POLA1: variants seen among roughly 807,000 people sequenced by gnomAD.
POLA1 encodes the protein DNA polymerase alpha catalytic subunit.
Under a neutral mutation model 124.0 loss-of-function variants are expected in POLA1, and 15 were observed. The ratio of observed to expected loss-of-function variants is 0.12; its 90% CI spans 0.08 to 0.19. POLA1 has a LOEUF of 0.19. Among genes scored for constraint, POLA1 ranks in the 10% least tolerant of loss-of-function variants. POLA1 has a pLI of 1.00. For missense variants in POLA1, 886 were observed against 1,103.4 expected (o/e 0.80, Z 2.79); for synonymous variants, 408 against 389.4 (o/e 1.05, Z -0.56).
chrX:24,854,347 G>T (rs1414064030), intron 34 of POLA1, among the ~76,000 whole-genome samples: 2 of 111,591 alleles, frequency 1.8e-5, no homozygotes, highest in Non-Finnish European at 3.8e-5. Context: ...ACCGCGCCCG[G>T]CCACGGGGGG....
rs1227042363 is a variant in POLA1, at chrX:24,745,540, G to A, written c.2689G>A (p.Glu897Lys). 8.6e-7 allele frequency: 1 copy of A among 1,156,096 alleles called. No homozygotes were observed. Among genetic ancestry groups the A allele is most frequent in the Non-Finnish European group, 1.2e-6 (1 of 854,500 alleles). Residue 897 changes from glutamate to lysine, a missense_variant and splice_region_variant, in exon 24 of 37, where the codon GAG becomes AAG. Glu to Lys is a moderately conservative substitution (Grantham distance 56, BLOSUM62 1). This residue lies in a region of POLA1 where 182 missense variants were observed against 252.8 expected (regional missense o/e 0.72). Transcript: ENST00000379068. ...RVASEAQKVT[E>K]DGEQEQIPEL... ...TGCTTCAGAGGCACAGAAAGTTACAGAGGTTTGTATTTAACCTGGGACTCT... is the reference window on the plus strand; with the variant it reads ...TGCTTCAGAGGCACAGAAAGTTACAAAGGTTTGTATTTAACCTGGGACTCT...
intron 26 of POLA1, among the ~76,000 whole-genome samples, chrX:24,753,785 C>G (rs1371762626): frequency 1.8e-5 from 2 of 112,531 alleles, no homozygotes; most frequent in Non-Finnish European, 3.7e-5. Flanking sequence ...TTTCTCTACT[C>G]TCTTATTTCT....
At chrX:24,881,235 A>T (rs1230929914) in intron 34 of POLA1, among the ~76,000 whole-genome samples, 1 of 112,190 alleles carries the variant, frequency 8.9e-6, no homozygotes, top group African/African-American at 3.2e-5. Flanking sequence ...GCGTTTTGTA[A>T]TAACACCAGA....
chrX:24,788,478 C>T, intron 26 of POLA1: 2 of 1,196,756 alleles, frequency 1.7e-6, no homozygotes, highest in African/African-American at 3.5e-5. Context: ...TCTGTTCCGA[C>T]TTTATCATCT....
intron 35 of POLA1, among the ~76,000 whole-genome samples, chrX:24,899,880 G>A (rs1361621046): frequency 9.0e-6 from 1 of 110,953 alleles, no homozygotes; most frequent in Non-Finnish European, 1.9e-5. Flanking sequence ...TAGTCATTTG[G>A]GTGTTCTTTT....
At chrX:24,839,253 A>G (rs1237572631) in intron 32 of POLA1, among the ~76,000 whole-genome samples, 1 of 111,665 alleles carries the variant, frequency 9.0e-6, no homozygotes, top group Admixed American at 9.5e-5. Context: ...GCATTGAACT[A>G]TGACCAAGAG....
At chrX:24,924,900 A>G (rs2047668808) in intron 35 of POLA1, among the ~76,000 whole-genome samples, 1 of 111,008 alleles carries the variant, frequency 9.0e-6, no homozygotes, top group Non-Finnish European at 1.9e-5. Flanking sequence ...GCATGTAGAA[A>G]ACTTGTGAGA....
At chrX:24,860,910 C>G (rs1460297743) in intron 34 of POLA1, among the ~76,000 whole-genome samples, 1 of 111,922 alleles carries the variant, frequency 8.9e-6, no homozygotes, top group Non-Finnish European at 1.9e-5. Flanking sequence ...GCAGTCCCTC[C>G]CCTTTCAGAA....
intron 35 of POLA1, among the ~76,000 whole-genome samples, chrX:24,928,096 A>G (rs957983358): frequency 8.9e-6 from 1 of 112,143 alleles, no homozygotes; most frequent in African/African-American, 3.2e-5. Flanking sequence ...GTTTTCAACC[A>G]GTTTACTAAT....
chrX:24,698,206 T>A (rs1478424745), intron 1 of POLA1, among the ~76,000 whole-genome samples: 1 of 111,799 alleles, frequency 8.9e-6, no homozygotes. Flanking sequence ...CCTCCCAAAG[T>A]GCTGGGATTA....
intron 36 of POLA1, among the ~76,000 whole-genome samples, chrX:24,942,989 G>A (rs1601893545): frequency 1.8e-5 from 2 of 112,419 alleles, no homozygotes; most frequent in East Asian, 5.6e-4. Context: ...GAGCCACTGG[G>A]CCCGCTGTCC....
intron 26 of POLA1, among the ~76,000 whole-genome samples, chrX:24,793,082 G>T (rs765205635): frequency 9.1e-6 from 1 of 109,625 alleles, no homozygotes; most frequent in African/African-American, 3.3e-5. Context: ...TTCAAGACCA[G>T]CCTGGCCAAT....
intron 34 of POLA1, among the ~76,000 whole-genome samples, chrX:24,867,844 G>A (rs1408171109): frequency 2.7e-5 from 3 of 111,654 alleles, no homozygotes; most frequent in East Asian, 2.8e-4. Context: ...CACCTGCCTC[G>A]TGTAGGGAAA....
chrX:24,954,547 A>G (rs1466477270), intron 36 of POLA1, among the ~76,000 whole-genome samples: 1 of 112,642 alleles, frequency 8.9e-6, no homozygotes, highest in Non-Finnish European at 1.9e-5. Flanking sequence ...TTTTTAATGC[A>G]TGATTGTGAC....
intron 36 of POLA1, among the ~76,000 whole-genome samples, chrX:24,990,258 A>G (rs186842380): frequency 8.9e-6 from 1 of 112,468 alleles, no homozygotes; most frequent in East Asian, 2.8e-4. Context: ...GTCCTTTCCC[A>G]TGAAGAGTAA....
intron 26 of POLA1, among the ~76,000 whole-genome samples, chrX:24,806,866 C>T (rs977241666): frequency 9.0e-6 from 1 of 111,470 alleles, no homozygotes; most frequent in Non-Finnish European, 1.9e-5. Context: ...AGATTATGTT[C>T]TATTTATACA....
intron 32 of POLA1, among the ~76,000 whole-genome samples, chrX:24,828,519 T>C (rs927835309): frequency 4.5e-5 from 5 of 112,094 alleles, no homozygotes; most frequent in African/African-American, 1.6e-4. Flanking sequence ...GGGGGCTTCA[T>C]GTTTTTCTTG....
chrX:24,904,212 C>T (rs775818628), intron 35 of POLA1, among the ~76,000 whole-genome samples: 4 of 110,413 alleles, frequency 3.6e-5, no homozygotes, highest in Non-Finnish European at 7.6e-5. Flanking sequence ...GGATTACAGA[C>T]GTAAGCCACC....
At chrX:24,949,975 G>A (rs1340654012) in intron 36 of POLA1, among the ~76,000 whole-genome samples, 4 of 110,474 alleles carry the variant, frequency 3.6e-5, no homozygotes, top group South Asian at 3.8e-4. Context: ...CTTGTGATCC[G>A]CCCACCTCGG....
Sources: gnomAD v4.1 joint callset for allele counts (sites outside exome capture counted in the v4.1 genomes callset) on GRCh38, gnomAD v4.1.1 for gene constraint, gnomAD v4.1.1 regional missense constraint, MANE v1.5 for transcripts, NCBI Gene and HGNC (gene_info 2026-07-23, HGNC 2026-07-21) for gene names.